The following GALNT18 variants were observed in gnomAD, a reference collection of about 807,000 sequenced individuals.
GALNT18 encodes the protein polypeptide N-acetylgalactosaminyltransferase 18, also known as GalNAc-transferase 18.
In GALNT18, 44 loss-of-function variants were observed where a neutral mutation model predicts 69.5. The ratio of observed to expected loss-of-function variants is 0.63; its 90% CI spans 0.50 to 0.81. The LOEUF (loss-of-function observed/expected upper bound fraction) is 0.81. Ranked by LOEUF, GALNT18 falls within the 40% of genes least tolerant of loss-of-function variation. The probability of loss-of-function intolerance (pLI) is 0.00; values close to 1 mark genes in which losing one functional copy is unlikely to be tolerated. For synonymous variants in GALNT18, 364 were observed against 318.2 expected, an observed-to-expected ratio of 1.14 and a Z score of -1.53; for missense variants, 715 against 810.0, an observed-to-expected ratio of 0.88 and a Z score of 1.42.
intron 1 of GALNT18, among the ~76,000 whole-genome samples, chr11:11,487,751 C>T (rs1856674641): frequency 6.6e-6 from 1 of 152,158 alleles, no homozygotes; most frequent in Non-Finnish European, 1.5e-5. Flanking sequence ...CAGGTATGAC[C>T]AGAGCTAGCC....
intron 10 of GALNT18, among the ~76,000 whole-genome samples, chr11:11,279,487 T>C (rs1195118040): frequency 6.6e-6 from 1 of 152,148 alleles, no homozygotes; most frequent in Admixed American, 6.5e-5. Context: ...ACACGATTTA[T>C]AAAACTAACC....
At position 11,568,638 on chromosome 11, in the gene GALNT18, C is replaced by A. The variant is rs971662731; in HGVS notation, c.235+52721G>T. Among the ~76,000 whole-genome samples the A allele has an allele frequency of 3.3e-5, 5 of 152,118 alleles. No individual in the cohort carries two copies. In the East Asian group the frequency reaches 9.7e-4, roughly 29 times the overall value. On this transcript the variant is annotated intron_variant, in intron 1 of 10. Coordinates refer to ENST00000227756, the MANE Select transcript of GALNT18 (RefSeq NM_198516.3). ...GAGACTCACTGTCTAAGATAGAGAG[C>A]AAGATGTACAGGAGAGGGCACTGGA...
chr11:11,503,666 T>C (rs1366639498), intron 1 of GALNT18, among the ~76,000 whole-genome samples: 1 of 152,200 alleles, frequency 6.6e-6, no homozygotes, highest in African/African-American at 2.4e-5. Context: ...TAATTTTGAG[T>C]CAAAACTACT....
Position 11,500,176 on chromosome 11 carries a change from G to A in GALNT18, c.236-51240C>T, listed in dbSNP as rs981385398. ...AATAGGATCTCAAAGCAAGTGATAA[G>A]GAAATAGGAGCCTATAGGGAGAAAG... On this transcript the variant is annotated intron_variant, in intron 1 of 10. Transcript: ENST00000227756. The surrounding 1 kb of genome is among the most constrained non-coding windows in gnomAD (Gnocchi z 5.0). Among the ~76,000 whole-genome samples the A allele has an allele frequency of 6.6e-6, 1 of 152,164 alleles. No homozygotes were observed. The highest frequency in any genetic ancestry group is 1.5e-5 in the Non-Finnish European group (1 of 68,022).
At chr11:11,442,800 A>G (rs1381276775) in intron 2 of GALNT18, among the ~76,000 whole-genome samples, 4 of 151,834 alleles carry the variant, frequency 2.6e-5, no homozygotes, top group Non-Finnish European at 5.9e-5. Flanking sequence ...GCCCTAACCC[A>G]CCTGTCAAAC....
In GALNT18 at chr11:11,463,108, C is replaced by T. The variant is rs1429690563; in HGVS notation, c.236-14172G>A. Among the ~76,000 whole-genome samples the T allele has an allele frequency of 6.6e-6, 1 of 152,108 alleles. No individual in the cohort carries two copies. The highest frequency in any genetic ancestry group is 2.4e-5 in the African/African-American group (1 of 41,430). On this transcript the variant is annotated intron_variant, in intron 1 of 10. Transcript: ENST00000227756. The surrounding 1 kb of genome is among the most constrained non-coding windows in gnomAD (Gnocchi z 4.2). ...GGATATCAATCACAAGACCCTGGAA[C>T]TATTAGTACAGTCTCCCACAAGAGA...
chr11:11,353,433 A>G (rs1850462840), intron 6 of GALNT18: 3 of 475,458 alleles, frequency 6.3e-6, no homozygotes, highest in African/African-American at 3.9e-5. Context: ...GTCCCTTTCA[A>G]TTGCTGTGAG....
rs564672574 is a variant in GALNT18, at chr11:11,303,089, T to C, written c.1513-9896A>G. On this transcript the variant is annotated intron_variant, in intron 9 of 10. Coordinates refer to ENST00000227756, the MANE Select transcript of GALNT18 (RefSeq NM_198516.3). ...GTGCCTCACCCATGCATCTGGGCAC[T>C]CCCCAGCCCTGGCCATGTGAACAAC... is the stretch of plus-strand genomic sequence containing the variant. Among the ~76,000 whole-genome samples the C allele has an allele frequency of 3.9e-5, 6 of 152,248 alleles. No individual in the cohort carries two copies. The South Asian group carries it at 8.3e-4, about 21-fold the overall frequency.
Position 11,469,725 on chromosome 11 carries a change from G to T in GALNT18, c.236-20789C>A, listed in dbSNP as rs527272098. Among the ~76,000 whole-genome samples, 1 of 152,320 alleles carries T rather than the reference G, an allele frequency of 6.6e-6. No homozygotes were observed. The highest frequency in any genetic ancestry group is 2.1e-4 in the South Asian group (1 of 4,824). On this transcript the variant is annotated intron_variant, in intron 1 of 10. Coordinates refer to ENST00000227756, the MANE Select transcript of GALNT18 (RefSeq NM_198516.3). This position sits in a 1 kb window ranked among gnomAD's most constrained non-coding sequence, Gnocchi z 4.2. ...CTAAAAGGTGGACTGTGAGTTGGTTGTTGGGGAATGAGTATAGGCTCCCTT... is the reference window on the plus strand; with the variant it reads ...CTAAAAGGTGGACTGTGAGTTGGTTTTTGGGGAATGAGTATAGGCTCCCTT...
rs1373192686 is a variant in GALNT18 at position 11,299,409 on chromosome 11, G to C, written c.1513-6216C>G. Among the ~76,000 whole-genome samples, 21 of 152,200 alleles carry C rather than the reference G, an allele frequency of 1.4e-4. 1 individual carries two copies. The highest frequency in any genetic ancestry group is 1.5e-5 in the Non-Finnish European group (1 of 68,048). On this transcript the variant is annotated intron_variant, in intron 9 of 10. Coordinates refer to ENST00000227756, the MANE Select transcript of GALNT18 (RefSeq NM_198516.3). ...GAACTGCTCGCCTCGGCCTCTGAAA[G>C]TGCTGGGATTACAGGCACAGCCACT...
chr11:11,275,386 GTTGTTTGTTTCTTGTAAAT>G (rs895101505), intron 10 of GALNT18, among the ~76,000 whole-genome samples: 2 of 152,178 alleles, frequency 1.3e-5, no homozygotes, highest in African/African-American at 4.8e-5. Flanking sequence ...TTTAGATGGG[GTTGTTTGTTTCTTGTAAAT>G]TTGTTTGTTC....
intron 2 of GALNT18, among the ~76,000 whole-genome samples, chr11:11,441,220 C>T (rs758924955): frequency 5.9e-5 from 9 of 152,144 alleles, no homozygotes; most frequent in Admixed American, 6.5e-5. Flanking sequence ...TGGCCCACAA[C>T]GAAATTAATA....
intron 9 of GALNT18, among the ~76,000 whole-genome samples, chr11:11,300,516 A>T (rs767134824): frequency 6.6e-6 from 1 of 152,194 alleles, no homozygotes; most frequent in Non-Finnish European, 1.5e-5. Context: ...GCAGCCCAAC[A>T]AGGAATTAAG....
chr11:11,327,414 T>C (rs146669960), intron 8 of GALNT18, among the ~76,000 whole-genome samples: 3 of 152,348 alleles, frequency 2.0e-5, no homozygotes, highest in Admixed American at 6.5e-5. Flanking sequence ...AACAGTGAGC[T>C]GGGTTACAGG....
In GALNT18 at chr11:11,511,940, C is replaced by T. The variant is rs1857173725; in HGVS notation, c.236-63004G>A. Reference sequence around the variant, plus strand: ...TCTATGGTGCTTTGTTACAGCAGCTCAAACTGATCAACACATATACATATG... The same window carrying T: ...TCTATGGTGCTTTGTTACAGCAGCTTAAACTGATCAACACATATACATATG... On this transcript the variant is annotated intron_variant, in intron 1 of 10. Transcript: ENST00000227756. This position sits in a 1 kb window ranked among gnomAD's most constrained non-coding sequence, Gnocchi z 4.9. Among the ~76,000 whole-genome samples the T allele has an allele frequency of 1.3e-5, 2 of 152,152 alleles. No homozygotes were observed. Among genetic ancestry groups the T allele is most frequent in the South Asian group, 4.1e-4 (2 of 4,830 alleles).
rs149082075 is a variant in GALNT18 at position 11,581,875 on chromosome 11, T to G, written c.235+39484A>C. 2.0e-3 allele frequency among the ~76,000 whole-genome samples: 299 copies of G among 152,128 alleles called. 1 individual carries two copies. Among genetic ancestry groups the G allele is most frequent in the Non-Finnish European group, 3.6e-3 (244 of 67,994 alleles). On this transcript the variant is annotated intron_variant, in intron 1 of 10. Coordinates refer to ENST00000227756, the MANE Select transcript of GALNT18 (RefSeq NM_198516.3). ...TTTGAGACCCACAGGTGACCAGCCA[T>G]TCACATTCAACATCTAATTATTGAA... is the stretch of plus-strand genomic sequence containing the variant.
intron 1 of GALNT18, among the ~76,000 whole-genome samples, chr11:11,474,009 G>A (rs1264496423): frequency 2.0e-5 from 3 of 152,158 alleles, no homozygotes; most frequent in South Asian, 2.1e-4. Context: ...AGGTTGTAGT[G>A]AGCCCAGATC....
At chr11:11,357,598 G>A (rs1850558162) in intron 6 of GALNT18, among the ~76,000 whole-genome samples, 1 of 152,212 alleles carries the variant, frequency 6.6e-6, no homozygotes, top group Non-Finnish European at 1.5e-5. Flanking sequence ...AGCACAGGCT[G>A]TTGGTTCACA....
intron 1 of GALNT18, among the ~76,000 whole-genome samples, chr11:11,552,326 CT>C (rs1379978672): frequency 6.6e-6 from 1 of 152,222 alleles, no homozygotes; most frequent in Middle Eastern, 3.2e-3. Flanking sequence ...AGCTGTCCCC[CT>C]ACCCCATTCT....
Sources: gnomAD v4.1 joint callset for allele counts (sites outside exome capture counted in the v4.1 genomes callset) on GRCh38, gnomAD v4.1.1 for gene constraint, Gnocchi (gnomAD v3.1) non-coding constraint, MANE v1.5 for transcripts, NCBI Gene and HGNC (gene_info 2026-07-23, HGNC 2026-07-21) for gene names.